POU6F2: variants seen among roughly 807,000 people sequenced by gnomAD.
POU6F2 encodes the protein POU class 6 homeobox 2, also known as POU domain, class 6, transcription factor 2.
A neutral mutation model predicts 71.3 loss-of-function variants in POU6F2; 31 were observed. The observed-to-expected ratio is 0.43, with a 90% CI of 0.33 to 0.59. POU6F2 has a LOEUF of 0.59. POU6F2 is among the 20% of genes least tolerant of loss of function. The pLI, the probability that POU6F2 is intolerant of heterozygous loss-of-function variation, is 0.04. For missense variants in POU6F2, 783 were observed against 856.8 expected (o/e 0.91, Z 1.07); for synonymous variants, 347 against 355.7 (o/e 0.98, Z 0.27).
intron 2 of POU6F2, among the ~76,000 whole-genome samples, chr7:39,190,813 T>G (rs569216917): frequency 9.2e-5 from 14 of 151,958 alleles, no homozygotes; most frequent in African/African-American, 3.4e-4. Context: ...AATTTTTGTA[T>G]TTTTAGCAGA....
chr7:39,451,183 T>A lies in POU6F2; in HGVS notation c.1321-350T>A, dbSNP rs1384397041. ...AGTTGATGGTGTTATATTTTATCTA[T>A]ACTTACTTGAGAAGCCTGTCAAGTG... On this transcript the variant is annotated intron_variant, in intron 7 of 9. Transcript: ENST00000518318. Among the ~76,000 whole-genome samples the A allele has an allele frequency of 2.0e-5, 3 of 152,306 alleles. No homozygotes were observed. The East Asian group carries it at 5.8e-4, about 29-fold the overall frequency.
intron 4 of POU6F2, among the ~76,000 whole-genome samples, chr7:39,248,438 C>T (rs1195087474): frequency 2.0e-5 from 3 of 152,308 alleles, no homozygotes; most frequent in East Asian, 1.9e-4. Context: ...TTCCCCTCCT[C>T]AGCCCATCAC....
chr7:39,109,727 G>A (rs924186863), intron 2 of POU6F2, among the ~76,000 whole-genome samples: 4 of 152,168 alleles, frequency 2.6e-5, no homozygotes, highest in Non-Finnish European at 5.9e-5. Flanking sequence ...AATGTAAATC[G>A]TATAGGTAGC....
intron 2 of POU6F2, among the ~76,000 whole-genome samples, chr7:39,166,941 G>T (rs1793126866): frequency 6.6e-6 from 1 of 152,036 alleles, no homozygotes; most frequent in African/African-American, 2.4e-5. Context: ...CTACATTTTG[G>T]GAAATTTTTG....
rs370398070 is a variant in POU6F2 at position 39,387,387 on chromosome 7, ACTT to A, written c.973-19206_973-19204del. ...TTCCATTGCAGTCCCTGCCATTCAGACTTCTTCTTTTACAGACCACAATGGCAG... is the reference window on the plus strand; with the variant it reads ...TTCCATTGCAGTCCCTGCCATTCAGACTTCTTTTACAGACCACAATGGCAG... On this transcript the variant is annotated intron_variant, in intron 5 of 9. Transcript: ENST00000518318. 1.9e-3 allele frequency among the ~76,000 whole-genome samples: 285 copies of A among 152,210 alleles called. 2 individuals are homozygous for A. The highest frequency in any genetic ancestry group is 6.6e-3 in the African/African-American group (272 of 41,508).
chr7:39,270,677 T>G (rs1192806227), intron 4 of POU6F2, among the ~76,000 whole-genome samples: 6 of 152,134 alleles, frequency 3.9e-5, no homozygotes, highest in Non-Finnish European at 8.8e-5. Flanking sequence ...AATGGAACAT[T>G]GATTTTTGCT....
intron 5 of POU6F2, among the ~76,000 whole-genome samples, chr7:39,401,457 C>T (rs991571841): frequency 3.3e-5 from 5 of 152,190 alleles, no homozygotes; most frequent in Non-Finnish European, 5.9e-5. Context: ...ATAAAACACA[C>T]ATCAACCACG....
chr7:39,012,188 C>G (rs1443900916), intron 1 of POU6F2, among the ~76,000 whole-genome samples: 1 of 152,072 alleles, frequency 6.6e-6, no homozygotes, highest in Non-Finnish European at 1.5e-5. Context: ...GGTCTTTTCA[C>G]ATAGTCCCAT....
chr7:39,177,926 A>G lies in POU6F2; in HGVS notation c.278-26309A>G, dbSNP rs143101712. ...AGTTTATAACTGTAACTTGTATTCC[A>G]TATAATTATATCTGTATCAGTCTTT... On this transcript the variant is annotated intron_variant, in intron 2 of 9. Coordinates refer to ENST00000518318, the MANE Select transcript of POU6F2 (RefSeq NM_001370959.1). Among the ~76,000 whole-genome samples, 881 of 152,294 alleles carry G rather than the reference A, an allele frequency of 5.8e-3. 34 individuals carry two copies. Among genetic ancestry groups the G allele is most frequent in the South Asian group, 1.9e-3 (9 of 4,824 alleles).
intron 1 of POU6F2, among the ~76,000 whole-genome samples, chr7:39,015,575 A>G (rs1789465687): frequency 9.3e-6 from 1 of 107,518 alleles, no homozygotes. Flanking sequence ...CATTATAGAT[A>G]TATCTATGTT....
chr7:39,289,716 A>T (rs1784715720), intron 4 of POU6F2, among the ~76,000 whole-genome samples: 1 of 152,228 alleles, frequency 6.6e-6, no homozygotes, highest in Non-Finnish European at 1.5e-5. Flanking sequence ...TATGGTTCAA[A>T]ATAGTTGGCC....
At chr7:39,333,631 G>A (rs538198228) in intron 4 of POU6F2, among the ~76,000 whole-genome samples, 4 of 152,220 alleles carry the variant, frequency 2.6e-5, no homozygotes, top group South Asian at 2.1e-4. Flanking sequence ...CCAGCTACTC[G>A]GGAGGCTGAG....
intron 2 of POU6F2, among the ~76,000 whole-genome samples, chr7:39,164,272 T>G (rs868183293): frequency 1.3e-5 from 2 of 151,048 alleles, no homozygotes; most frequent in South Asian, 2.1e-4. Flanking sequence ...ACCATCGATT[T>G]TTTTTTTACC....
At chr7:39,285,357 G>A (rs1209934334) in intron 4 of POU6F2, among the ~76,000 whole-genome samples, 1 of 152,190 alleles carries the variant, frequency 6.6e-6, no homozygotes, top group Non-Finnish European at 1.5e-5. Context: ...CCTGTAGGAT[G>A]TATGGCCACC....
intron 4 of POU6F2, among the ~76,000 whole-genome samples, chr7:39,225,977 T>C (rs1794454318): frequency 6.6e-6 from 1 of 152,180 alleles, no homozygotes; most frequent in Non-Finnish European, 1.5e-5. Flanking sequence ...GGTTGTTTTT[T>C]TTTAAAAAAA....
At chr7:39,213,988 T>C (rs1353913134) in intron 4 of POU6F2, among the ~76,000 whole-genome samples, 1 of 152,222 alleles carries the variant, frequency 6.6e-6, no homozygotes, top group African/African-American at 2.4e-5. Flanking sequence ...GTATAGCTTA[T>C]AGATGCTGGA....
intron 6 of POU6F2, among the ~76,000 whole-genome samples, chr7:39,419,036 T>A (rs1337258770): frequency 2.1e-5 from 3 of 146,300 alleles, no homozygotes; most frequent in Non-Finnish European, 4.5e-5. Context: ...TGTGTATATA[T>A]ACATATATAT....
At chr7:39,355,902 A>G (rs1174757321) in intron 5 of POU6F2, among the ~76,000 whole-genome samples, 1 of 152,000 alleles carries the variant, frequency 6.6e-6, no homozygotes, top group East Asian at 1.9e-4. Flanking sequence ...GAAGCACAGA[A>G]CCCCACAGGG....
At chr7:39,317,237 A>T (rs910560404) in intron 4 of POU6F2, among the ~76,000 whole-genome samples, 1 of 152,224 alleles carries the variant, frequency 6.6e-6, no homozygotes, top group Non-Finnish European at 1.5e-5. Context: ...GCTCAGTGGC[A>T]TGTAAAACTG....
Sources: allele counts gnomAD v4.1 joint callset (sites outside exome capture counted in the v4.1 genomes callset), GRCh38; gene constraint gnomAD v4.1.1; transcripts MANE v1.5; gene names NCBI Gene and HGNC (gene_info 2026-07-23, HGNC 2026-07-21).